SLCO1B3: variants seen among roughly 807,000 people sequenced by gnomAD.
SLCO1B3 encodes the protein solute carrier organic anion transporter family member 1B3, also known as liver-specific organic anion transporter 2.
SLCO1B3 carries 72 observed loss-of-function variants against 71.8 expected under a neutral mutation model. The ratio of observed to expected loss-of-function variants is 1.00; its 90% CI spans 0.83 to 1.22. The LOEUF (loss-of-function observed/expected upper bound fraction) is 1.22, where lower values mean the gene tolerates loss of function less well. Among genes scored for constraint, SLCO1B3 ranks in the 50% most tolerant of loss-of-function variants. The pLI, the probability that SLCO1B3 is intolerant of heterozygous loss-of-function variation, is 0.00. For missense variants in SLCO1B3, 911 were observed against 819.7 expected, an observed-to-expected ratio of 1.11 and a Z score of -1.36; for synonymous variants, 298 against 278.4, an observed-to-expected ratio of 1.07 and a Z score of -0.70.
At chr12:20,856,550 A>G (rs966255636) in intron 4 of SLCO1B3, among the ~76,000 whole-genome samples, 1 of 152,070 alleles carries the variant, frequency 6.6e-6, no homozygotes, top group South Asian at 2.1e-4. Context: ...ATGAAATACT[A>G]CATCTTTTGT....
intron 15 of SLCO1B3, among the ~76,000 whole-genome samples, chr12:20,912,003 G>A (rs923983141): frequency 4.6e-5 from 7 of 151,956 alleles, no homozygotes; most frequent in African/African-American, 9.7e-5. Flanking sequence ...GTTTGCTAAG[G>A]TAAAAGATTA....
intron 3 of SLCO1B3, among the ~76,000 whole-genome samples, chr12:20,846,334 C>T (rs1591758403): frequency 1.3e-5 from 2 of 152,098 alleles, no homozygotes; most frequent in African/African-American, 4.8e-5. Context: ...TAATTTTGAA[C>T]ATTGTTATAT....
At chr12:20,905,563 CCCT>C (rs1387375407) in intron 15 of SLCO1B3, among the ~76,000 whole-genome samples, 3 of 152,104 alleles carry the variant, frequency 2.0e-5, no homozygotes, top group Non-Finnish European at 4.4e-5. Flanking sequence ...CCACTAGATA[CCCT>C]AAATCATCTC....
At chr12:20,884,711 G>T (rs1398145734) in intron 13 of SLCO1B3, among the ~76,000 whole-genome samples, 1 of 151,720 alleles carries the variant, frequency 6.6e-6, no homozygotes, top group Non-Finnish European at 1.5e-5. Context: ...ACACCTAATT[G>T]TACTTTTAAA....
At chr12:20,907,034 CT>C in intron 15 of SLCO1B3, among the ~76,000 whole-genome samples, 1 of 152,048 alleles carries the variant, frequency 6.6e-6, no homozygotes, top group South Asian at 2.1e-4. Flanking sequence ...AAGGAAAAAT[CT>C]TTTTACTTAC....
intron 8 of SLCO1B3, 36 bp downstream of exon 8, chr12:20,862,890 C>G (rs1169879997): frequency 1.8e-6 from 2 of 1,121,434 alleles, no homozygotes. Flanking sequence ...ATGATAGTGT[C>G]TTTTAAGTGC....
At chr12:20,829,191 C>T (rs1269904367) in intron 3 of SLCO1B3, among the ~76,000 whole-genome samples, 2 of 152,164 alleles carry the variant, frequency 1.3e-5, no homozygotes, top group African/African-American at 4.8e-5. Flanking sequence ...TTTATAGGAT[C>T]GCTGAGTGAT....
chr12:20,906,873 A>T (rs1489661891), intron 15 of SLCO1B3, among the ~76,000 whole-genome samples: 1 of 152,200 alleles, frequency 6.6e-6, no homozygotes, highest in Non-Finnish European at 1.5e-5. Context: ...CAAAGTATAT[A>T]ACTTTGAGCC....
intron 13 of SLCO1B3, among the ~76,000 whole-genome samples, chr12:20,888,450 A>G (rs377599622): frequency 1.0e-3 from 158 of 151,772 alleles, no homozygotes; most frequent in African/African-American, 3.4e-3. Context: ...TTTTATATTC[A>G]TTGTAAATGG....
chr12:20,913,446 T>C (rs1866426837), intron 15 of SLCO1B3, among the ~76,000 whole-genome samples: 1 of 152,220 alleles, frequency 6.6e-6, no homozygotes, highest in Non-Finnish European at 1.5e-5. Context: ...TCTCCTCACA[T>C]ATTTAGACAC....
rs762832604 is a variant in SLCO1B3, at chr12:20,906,278, C to T, written c.1865+4811C>T. On this transcript the variant is annotated intron_variant, in intron 15 of 15. Transcript: ENST00000381545. ...GCTTCAGATTGTATAATTTTAACTG[C>T]GTGATCTTGTAGAAAAAGCAAAACA... 1.6e-4 allele frequency among the ~76,000 whole-genome samples: 25 copies of T among 152,244 alleles called. 1 individual carries two copies. The South Asian group carries it at 1.7e-3, about 10-fold the overall frequency.
At chr12:20,851,458 A>G (rs1340372032) in intron 3 of SLCO1B3, among the ~76,000 whole-genome samples, 1 of 152,118 alleles carries the variant, frequency 6.6e-6, no homozygotes, top group Non-Finnish European at 1.5e-5. Flanking sequence ...GGCCATTTAT[A>G]CATCTTGTTT....
chr12:20,859,494 C>CCCCG (rs766957082), intron 5 of SLCO1B3, among the ~76,000 whole-genome samples: 11,066 of 145,356 alleles, frequency 0.076, 605 homozygotes, highest in South Asian at 0.13. Context: ...TTTTTTTCCC[C>CCCCG]CTCTACATTT....
chr12:20,830,605 C>T lies in SLCO1B3; in HGVS notation c.84+14783C>T, dbSNP rs190473232. Among the ~76,000 whole-genome samples the T allele has an allele frequency of 1.0e-3, 155 of 152,220 alleles. 1 individual carries two copies. Among genetic ancestry groups the T allele is most frequent in the Non-Finnish European group, 1.8e-3 (125 of 68,008 alleles). On this transcript the variant is annotated intron_variant, in intron 3 of 15. Transcript: ENST00000381545. ...CCTGCTTAGGAACAAAAGAAAAAGCCGCTTTTGGTGACTCAGCTTCATTTT... is the reference window on the plus strand; with the variant it reads ...CCTGCTTAGGAACAAAAGAAAAAGCTGCTTTTGGTGACTCAGCTTCATTTT...
intron 3 of SLCO1B3, among the ~76,000 whole-genome samples, chr12:20,829,622 A>G (rs1338327936): frequency 6.6e-6 from 1 of 152,194 alleles, no homozygotes; most frequent in Non-Finnish European, 1.5e-5. Flanking sequence ...ACCACAAGAG[A>G]GGGTTCTTGG....
At chr12:20,834,187 CAT>C (rs1298012441) in intron 3 of SLCO1B3, among the ~76,000 whole-genome samples, 5 of 143,746 alleles carry the variant, frequency 3.5e-5, no homozygotes, top group Non-Finnish European at 6.0e-5. Flanking sequence ...ATATAGTAAA[CAT>C]ATATAAACTA....
At chr12:20,877,706 A>G (rs1350879305) in intron 9 of SLCO1B3, 66 bp from the exon 10 acceptor site, 20 of 693,082 alleles carry the variant, frequency 2.9e-5, no homozygotes, top group Non-Finnish European at 4.0e-5. Flanking sequence ...TATAACTTAT[A>G]TTTACAAAAT....
chr12:20,886,563 A>C (rs1182607549), intron 13 of SLCO1B3, among the ~76,000 whole-genome samples: 1 of 152,088 alleles, frequency 6.6e-6, no homozygotes, highest in Non-Finnish European at 1.5e-5. Flanking sequence ...AGAAGCAGTG[A>C]ATAAAGAAAC....
intron 3 of SLCO1B3, among the ~76,000 whole-genome samples, chr12:20,837,945 T>A (rs1864717132): frequency 6.6e-6 from 1 of 152,110 alleles, no homozygotes; most frequent in Non-Finnish European, 1.5e-5. Flanking sequence ...ACTATGATAG[T>A]GTATTCATCT....
Sources: allele counts gnomAD v4.1 joint callset (sites outside exome capture counted in the v4.1 genomes callset), GRCh38; gene constraint gnomAD v4.1.1; transcripts MANE v1.5; gene names NCBI Gene and HGNC (gene_info 2026-07-23, HGNC 2026-07-21).